Variants in SLC35G1 observed in about 807,000 individuals in gnomAD.
SLC35G1 encodes the protein partner of STIM1.
In SLC35G1, 10 loss-of-function variants were observed where a neutral mutation model predicts 17.1. The observed-to-expected ratio is 0.59, with a 90% CI of 0.36 to 0.99. The LOEUF is 0.99. Among genes scored for constraint, SLC35G1 ranks in the 50% least tolerant of loss-of-function variants. The pLI is 0.01. For missense variants in SLC35G1, 433 were observed against 468.4 expected (o/e 0.92, Z 0.70); for synonymous variants, 185 against 181.1 (o/e 1.02, Z -0.18).
chr10:93,900,644 C>A, intron 2 of SLC35G1, 108 bp from the exon 3 acceptor site: 1 of 875,766 alleles, frequency 1.1e-6, no homozygotes, highest in South Asian at 2.5e-5. Flanking sequence ...TTACTATTCC[C>A]TCATTTTTTG....
chr10:93,897,421 G>A (rs1027210086), intron 1 of SLC35G1, among the ~76,000 whole-genome samples: 42 of 152,268 alleles, frequency 2.8e-4, no homozygotes, highest in African/African-American at 9.1e-4. Flanking sequence ...ATGATAATAC[G>A]AGTTTTCCTA....
Position 93,901,748 on chromosome 10 carries a change from T to C in SLC35G1, c.*258T>C. 2.9e-6 allele frequency: 1 copy of C among 341,570 alleles called. No homozygotes were observed. Among genetic ancestry groups the C allele is most frequent in the Non-Finnish European group, 5.2e-6 (1 of 191,704 alleles). 21.2% of individuals were successfully genotyped at this position (341,570 alleles called of 1,614,324 possible). On this transcript the variant is annotated 3_prime_UTR_variant, in exon 3 of 3. Transcript: ENST00000427197. ...GGGGTCAAGTTGGTGAGAGGAGAGC[T>C]CATTGTTTGAAGAAAAACCAAAACA...
At chr10:93,894,316 C>T in intron 1 of SLC35G1, 105 bp downstream of exon 1, 2 of 1,102,868 alleles carry the variant, frequency 1.8e-6, no homozygotes, top group East Asian at 3.3e-5. Context: ...GCCGCGCCTC[C>T]GTCCCCACCC....
chr10:93,898,618 T>C lies in SLC35G1; in HGVS notation c.226T>C (p.Leu76=), dbSNP rs1428963517. 1 of 1,613,276 alleles carries C rather than the reference T, an allele frequency of 6.2e-7. No homozygotes were observed. Among genetic ancestry groups the C allele is most frequent in the Non-Finnish European group, 8.5e-7 (1 of 1,179,780 alleles). ...TCCTGGACTTGGCTTGTTTTACACA[T>C]TATTGTCTGCCTTCCTTTTCTCAGT... ...PCPGLGLFYT[L]LSAFLFSVGS... The change falls in exon 2 of 3, where the codon TTA becomes CTA. Residue 76 remains leucine (L), a synonymous_variant. Transcript: ENST00000427197.
chr10:93,900,748 A>G lies in SLC35G1; in HGVS notation c.360-4A>G, dbSNP rs191951621. ...AATATGCATTTCTTCATTTGAATTTACAGAACTGGGTTTATAGGCCCAAAA... is the reference window on the plus strand; with the variant it reads ...AATATGCATTTCTTCATTTGAATTTGCAGAACTGGGTTTATAGGCCCAAAA... On this transcript the variant is annotated splice_region_variant and splice_polypyrimidine_tract_variant and intron_variant, in intron 2 of 2. Transcript: ENST00000427197. The G allele has an allele frequency of 1.1e-3, 1,752 of 1,538,510 alleles. 4 individuals are homozygous for G. Among genetic ancestry groups the G allele is most frequent in the Admixed American group, 2.1e-3 (103 of 49,772 alleles).
At position 93,901,605 on chromosome 10, in the gene SLC35G1, T is replaced by A. The variant is rs2060385686; in HGVS notation, c.*115T>A. On this transcript the variant is annotated 3_prime_UTR_variant, in exon 3 of 3. Coordinates refer to ENST00000427197, the MANE Select transcript of SLC35G1 (RefSeq NM_001134658.3). ...TCTTCATTGGTTGTATTTAATAAATTGCCTAAAGTACCATTTTTGAATATA... is the reference window on the plus strand; with the variant it reads ...TCTTCATTGGTTGTATTTAATAAATAGCCTAAAGTACCATTTTTGAATATA... The A allele has an allele frequency of 1.6e-6, 2 of 1,215,148 alleles. No individual in the cohort carries two copies. The highest frequency in any genetic ancestry group is 1.6e-5 in the African/African-American group (1 of 64,510). The allele number at this position is 1,215,148 out of a possible 1,614,324, so 75.3% of individuals were successfully genotyped here.
chr10:93,895,196 A>G lies in SLC35G1; in HGVS notation c.178+985A>G, dbSNP rs974677036. ...CCTGGATTTCTGTTCCTCTCCTCTC[A>G]CTGCGCTTTCCCCTCCTCCCTTTGT... On this transcript the variant is annotated intron_variant, in intron 1 of 2. Transcript: ENST00000427197. Among the ~76,000 whole-genome samples the G allele has an allele frequency of 7.9e-5, 12 of 152,214 alleles. No homozygotes were observed. In the East Asian group the frequency reaches 2.1e-3, roughly 27 times the overall value.
At chr10:93,906,240 C>T (rs1443025809), downstream of SLC35G1, 1 of 152,212 alleles carries the variant, frequency 6.6e-6, no homozygotes, top group Non-Finnish European at 1.5e-5. Context: ...GATATTCCCC[C>T]TGGGAAATCA....
chr10:93,902,807 AACAGCACGTTTT>A lies in SLC35G1; in HGVS notation c.*1321_*1332del, dbSNP rs2060402067. On this transcript the variant is annotated 3_prime_UTR_variant, in exon 3 of 3. Coordinates refer to ENST00000427197, the MANE Select transcript of SLC35G1 (RefSeq NM_001134658.3). ...CCATGACACTAACGCCATGAATTCA[AACAGCACGTTTT>A]ACACCTGGAACTTCATCAGACCAAT... 1 of 152,652 alleles carries A rather than the reference AACAGCACGTTTT, an allele frequency of 6.6e-6. No homozygotes were observed. Among genetic ancestry groups the A allele is most frequent in the African/African-American group, 2.4e-5 (1 of 41,460 alleles). The allele number at this position is 152,652 out of a possible 1,614,324, so 9.5% of individuals were successfully genotyped here. A position where few individuals can be genotyped will look rare whatever the true frequency, so the allele number is the denominator to read the frequency against.
downstream of SLC35G1, chr10:93,907,840 A>T (rs967072665): frequency 2.1e-4 from 32 of 151,468 alleles, no homozygotes; most frequent in African/African-American, 6.6e-4. Flanking sequence ...TTGGTGGAAC[A>T]AAAATAAAAA....
rs1479934625 is a variant in SLC35G1 at position 93,902,704 on chromosome 10, C to T, written c.*1214C>T. ...ATGTTTGATTGACTTTCATAGTTTC[C>T]TGCATTGAAATAAAATCACTATGAA... On this transcript the variant is annotated 3_prime_UTR_variant, in exon 3 of 3. Transcript: ENST00000427197. The T allele has an allele frequency of 6.6e-6, 1 of 152,408 alleles. No individual in the cohort carries two copies. Among genetic ancestry groups the T allele is most frequent in the African/African-American group, 2.4e-5 (1 of 41,364 alleles). 9.4% of individuals were successfully genotyped at this position (152,408 alleles called of 1,614,324 possible). A position where few individuals can be genotyped will look rare whatever the true frequency, so the allele number is the denominator to read the frequency against.
chr10:93,900,861 G>A lies in SLC35G1; in HGVS notation c.469G>A (p.Ala157Thr), dbSNP rs146445321. The change falls in exon 3 of 3, where the codon GCT becomes ACT. Residue 157 changes from alanine (A) to threonine (T), a missense_variant. Physicochemically the swap from Ala to Thr is moderately conservative, Grantham distance 58. Coordinates refer to ENST00000427197, the MANE Select transcript of SLC35G1 (RefSeq NM_001134658.3). ...IYYAYQTMSL[A>T]DATVITFSSP... ...CTATGCTTACCAGACAATGTCCCTC[G>A]CTGATGCCACAGTTATCACGTTTAG... 3.2e-4 allele frequency: 509 copies of A among 1,613,984 alleles called. No homozygotes were observed. Among genetic ancestry groups the A allele is most frequent in the Admixed American group, 7.7e-4 (46 of 60,014 alleles).
At position 93,901,277 on chromosome 10, in the gene SLC35G1, T is replaced by C. The variant is rs192237765; in HGVS notation, c.885T>C (p.Gly295=). The change falls in exon 3 of 3, where the codon GGT becomes GGC. Residue 295 remains glycine (G), a synonymous_variant. Coordinates refer to ENST00000427197, the MANE Select transcript of SLC35G1 (RefSeq NM_001134658.3). ...RLFLIFIGLF[G]LGGQIFITKA... is the part of the protein sequence containing the mutation. ...TTCTCATATTCATTGGGCTCTTTGG[T>C]TTGGGGGGTCAGATATTTATCACAA... 10 of 1,613,694 alleles carry C rather than the reference T, an allele frequency of 6.2e-6. No homozygotes were observed. The South Asian group carries it at 9.9e-5, about 16-fold the overall frequency.
chr10:93,906,238 C>T (rs1321677506), downstream of SLC35G1: 1 of 152,150 alleles, frequency 6.6e-6, no homozygotes, highest in Non-Finnish European at 1.5e-5. Context: ...CTGATATTCC[C>T]CCTGGGAAAT....
rs1259727178 is a variant in SLC35G1, at chr10:93,901,356, G to A, written c.964G>A (p.Val322Met). 5 of 1,613,958 alleles carry A rather than the reference G, an allele frequency of 3.1e-6. No homozygotes were observed. The highest frequency in any genetic ancestry group is 1.6e-4 in the Middle Eastern group (1 of 6,080). Residue 322 changes from valine to methionine, a missense_variant, in exon 3 of 3, where the codon GTG becomes ATG. Physicochemically the swap from Val to Met is conservative, Grantham distance 21. Coordinates refer to ENST00000427197, the MANE Select transcript of SLC35G1 (RefSeq NM_001134658.3). Reference sequence around the variant, plus strand: ...AGTAGCAATAATGAAGACAATGGATGTGGTCTTTGCTTTTATCTTTCAGAT... The same window carrying A: ...AGTAGCAATAATGAAGACAATGGATATGGTCTTTGCTTTTATCTTTCAGAT... The part of the protein sequence containing the change: ...GPVAIMKTMD[V>M]VFAFIFQIIF...
rs374912558 is a variant in SLC35G1, at chr10:93,901,465, G to A, written c.1073G>A (p.Arg358His). ...GCCAGTAATGTTGGAGCGGCCATTC[G>A]TAAATGGTACCAAAGTTCCAAATGA... ...VVASNVGAAI[R>H]KWYQSSK The change falls in exon 3 of 3, where the codon CGT becomes CAT. Residue 358 changes from arginine to histidine, a missense_variant. Physicochemically the swap from Arg to His is conservative, Grantham distance 29 (BLOSUM62 0). Transcript: ENST00000427197. 3.4e-5 allele frequency: 55 copies of A among 1,596,524 alleles called. 1 individual carries two copies. Among genetic ancestry groups the A allele is most frequent in the South Asian group, 1.3e-4 (11 of 87,344 alleles).
intron 2 of SLC35G1, 69 bp from the exon 3 acceptor site, chr10:93,900,679 TTTAA>T (rs2060374096): frequency 7.8e-7 from 1 of 1,277,840 alleles, no homozygotes; most frequent in Non-Finnish European, 1.0e-6. Context: ...TAAAATAATG[TTTAA>T]TTACAAATTG....
At chr10:93,894,341 GAAACCC>G (rs1477737633) in intron 1 of SLC35G1, 130 bp downstream of exon 1, 48 of 913,594 alleles carry the variant, frequency 5.3e-5, no homozygotes, top group Non-Finnish European at 6.7e-5. Context: ...CGGGGCTCGG[GAAACCC>G]CTCGAGCTGT....
downstream of SLC35G1, among the ~76,000 whole-genome samples, chr10:93,905,885 A>G (rs1351886114): frequency 6.6e-6 from 1 of 152,164 alleles, no homozygotes; most frequent in Non-Finnish European, 1.5e-5. Context: ...GCAGGAGGAA[A>G]TGTGTTCAGG....
Sources: gnomAD v4.1 joint callset for allele counts (sites outside exome capture counted in the v4.1 genomes callset) on GRCh38, gnomAD v4.1.1 for gene constraint, MANE v1.5 for transcripts, NCBI Gene and HGNC (gene_info 2026-07-23, HGNC 2026-07-21) for gene names.